The following CCNY variants were observed in gnomAD, a reference collection of about 807,000 sequenced individuals.
The protein encoded by CCNY is cyclin Y.
A neutral mutation model predicts 42.8 loss-of-function variants in CCNY; 19 were observed. The observed-to-expected ratio is 0.44, with a 90% CI of 0.31 to 0.65. CCNY has a LOEUF of 0.65. Ranked by LOEUF, CCNY falls within the 30% of genes least tolerant of loss-of-function variation. The probability of loss-of-function intolerance (pLI) is 0.07; values close to 1 mark genes in which losing one functional copy is unlikely to be tolerated. For synonymous variants in CCNY, 165 were observed against 162.7 expected (o/e 1.01, Z -0.11); for missense variants, 370 against 437.3 (o/e 0.85, Z 1.37).
rs561050372 is a variant in CCNY, at chr10:35,531,645, C to G, written c.579+1402C>G. ...GAAGGGAAAAGAAGATTAAGAAAAG[C>G]AGATGAAACCATAGATGAAATTAGT... On this transcript the variant is annotated intron_variant, in intron 7 of 9. Coordinates refer to ENST00000374704, the MANE Select transcript of CCNY (RefSeq NM_145012.6). Among the ~76,000 whole-genome samples, 4 of 152,264 alleles carry G rather than the reference C, an allele frequency of 2.6e-5. No individual in the cohort carries two copies. The East Asian group carries it at 7.7e-4, about 29-fold the overall frequency.
intron 1 of CCNY, among the ~76,000 whole-genome samples, chr10:35,338,136 C>T (rs758172126): frequency 7.2e-5 from 11 of 152,160 alleles, no homozygotes; most frequent in Admixed American, 1.3e-4. Flanking sequence ...CAAACATCTT[C>T]TCATAGTTAA....
intron 7 of CCNY, among the ~76,000 whole-genome samples, chr10:35,551,148 C>G (rs1273702007): frequency 6.6e-6 from 1 of 152,162 alleles, no homozygotes; most frequent in African/African-American, 2.4e-5. Flanking sequence ...TCGTTGGGTC[C>G]CCTTTACAGG....
chr10:35,326,108 GT>G (rs1174866071), intron 3 of CCNY, among the ~76,000 whole-genome samples: 2 of 151,832 alleles, frequency 1.3e-5, no homozygotes, highest in Non-Finnish European at 2.9e-5. Context: ...CTGAGATACA[GT>G]TTACATAAAA....
chr10:35,404,398 G>T (rs903122623), intron 1 of CCNY, among the ~76,000 whole-genome samples: 6 of 152,168 alleles, frequency 3.9e-5, no homozygotes, highest in Non-Finnish European at 7.3e-5. Flanking sequence ...AGCTTCTAGG[G>T]CTGTTTTTAA....
intron 1 of CCNY, among the ~76,000 whole-genome samples, chr10:35,375,041 T>G (rs546972222): frequency 6.6e-6 from 1 of 152,076 alleles, no homozygotes; most frequent in South Asian, 2.1e-4. Context: ...GGTATGAGAC[T>G]AGGGAGGGGG....
intron 1 of CCNY, among the ~76,000 whole-genome samples, chr10:35,467,580 G>A (rs1589139489): frequency 1.3e-5 from 2 of 152,198 alleles, no homozygotes; most frequent in East Asian, 1.9e-4. Flanking sequence ...TATTTTCTGT[G>A]TAGAGGATTA....
chr10:35,322,140 G>C (rs1835828922), intron 3 of CCNY, among the ~76,000 whole-genome samples: 1 of 152,186 alleles, frequency 6.6e-6, no homozygotes, highest in Non-Finnish European at 1.5e-5. Flanking sequence ...TGGATCACCA[G>C]GTCAGGAGAT....
intron 3 of CCNY, among the ~76,000 whole-genome samples, chr10:35,273,726 G>A (rs948590005): frequency 4.6e-5 from 7 of 152,170 alleles, no homozygotes; most frequent in African/African-American, 1.7e-4. Flanking sequence ...CCACTTGTGC[G>A]ATGGAAGCTG....
At chr10:35,262,911 C>T (rs1418722934) in intron 3 of CCNY, among the ~76,000 whole-genome samples, 2 of 141,826 alleles carry the variant, frequency 1.4e-5, no homozygotes, top group Non-Finnish European at 3.0e-5. Flanking sequence ...ACTCTAAGAA[C>T]AGTGTTCTAA....
intron 4 of CCNY, among the ~76,000 whole-genome samples, chr10:35,520,659 A>T (rs1341043559): frequency 1.3e-5 from 2 of 152,194 alleles, no homozygotes; most frequent in African/African-American, 4.8e-5. Flanking sequence ...CTAGCTGGGG[A>T]TGGGTGGAGG....
At chr10:35,450,453 G>C (rs1408141575) in intron 1 of CCNY, among the ~76,000 whole-genome samples, 1 of 152,124 alleles carries the variant, frequency 6.6e-6, no homozygotes, top group East Asian at 1.9e-4. Context: ...GGCATTAGAG[G>C]CTCTTTGGAG....
intron 1 of CCNY, among the ~76,000 whole-genome samples, chr10:35,388,678 G>A (rs919643913): frequency 6.6e-6 from 1 of 152,192 alleles, no homozygotes; most frequent in Non-Finnish European, 1.5e-5. Flanking sequence ...TTCTGCTGCT[G>A]CCACAACAAA....
intron 8 of CCNY, among the ~76,000 whole-genome samples, chr10:35,554,497 A>G (rs144069300): frequency 6.6e-6 from 1 of 152,232 alleles, no homozygotes; most frequent in African/African-American, 2.4e-5. Context: ...TGTCATTCAT[A>G]TCATAAAGGA....
intron 3 of CCNY, among the ~76,000 whole-genome samples, chr10:35,323,557 C>G (rs953113126): frequency 3.3e-5 from 5 of 152,156 alleles, no homozygotes; most frequent in Admixed American, 6.6e-5. Context: ...TATAAGATCA[C>G]ATTTTTATGA....
rs1455001312 is a variant in CCNY at position 35,372,969 on chromosome 10, AT to A, written c.154+35764del. The stretch of plus-strand genomic sequence containing the variant: ...TGCCTCAGCCTCCCAAAGTGCTGGG[AT>A]TATAGGCATGAGGCACCATGCCTGG... On this transcript the variant is annotated intron_variant, in intron 1 of 9. Transcript: ENST00000374704. 3.3e-5 allele frequency among the ~76,000 whole-genome samples: 5 copies of A among 152,200 alleles called. No homozygotes were observed. The South Asian group carries it at 8.3e-4, about 25-fold the overall frequency.
chr10:35,321,509 C>A (rs1256960434), intron 3 of CCNY, among the ~76,000 whole-genome samples: 1 of 151,906 alleles, frequency 6.6e-6, no homozygotes, highest in Non-Finnish European at 1.5e-5. Flanking sequence ...CCCATCTCTA[C>A]AAAAACAAAC....
chr10:35,501,084 T>C (rs1840101620), intron 2 of CCNY, among the ~76,000 whole-genome samples: 1 of 152,208 alleles, frequency 6.6e-6, no homozygotes, highest in Non-Finnish European at 1.5e-5. Context: ...CTAGATATTA[T>C]TGTTATTTAT....
rs561780695 is a variant in CCNY at position 35,317,348 on chromosome 10, C to T, written c.-9+66722C>T. On this transcript the variant is annotated intron_variant, in intron 3 of 11. Coordinates refer to the CCNY transcript ENST00000374706. Reference sequence around the variant, plus strand: ...CAGGTCCTATTCCAGGAGTTGAGGGCACAGCAGTGAACAGATCTAAGTGCC... The same window carrying T: ...CAGGTCCTATTCCAGGAGTTGAGGGTACAGCAGTGAACAGATCTAAGTGCC... 2.4e-4 allele frequency among the ~76,000 whole-genome samples: 36 copies of T among 152,262 alleles called. No individual in the cohort carries two copies. In the South Asian group the frequency reaches 4.4e-3, roughly 18 times the overall value.
chr10:35,276,316 C>T (rs1835238486), intron 3 of CCNY, among the ~76,000 whole-genome samples: 1 of 152,164 alleles, frequency 6.6e-6, no homozygotes, highest in African/African-American at 2.4e-5. Context: ...GGCTGCTACT[C>T]GGCCTCCATC....
Sources: allele counts gnomAD v4.1 joint callset (sites outside exome capture counted in the v4.1 genomes callset), GRCh38; gene constraint gnomAD v4.1.1; transcripts MANE v1.5; gene names NCBI Gene and HGNC (gene_info 2026-07-23, HGNC 2026-07-21).